Variants in KCTD21 observed in about 807,000 individuals in gnomAD.
The protein encoded by KCTD21 is BTB/POZ domain-containing protein KCTD21.
KCTD21 carries 9 observed loss-of-function variants against 13.2 expected under a neutral mutation model. The ratio of observed to expected loss-of-function variants is 0.68; its 90% CI spans 0.41 to 1.19. KCTD21 has a LOEUF of 1.19. Ranked by LOEUF, KCTD21 falls within the 50% of genes most tolerant of loss-of-function variation. The probability of loss-of-function intolerance (pLI) is 0.01; values close to 1 mark genes in which losing one functional copy is unlikely to be tolerated. For synonymous variants in KCTD21, 142 were observed against 137.4 expected (o/e 1.03, Z -0.23); for missense variants, 303 against 336.5 (o/e 0.90, Z 0.78).
Position 78,171,865 on chromosome 11 carries a change from CAG to C in KCTD21, c.*1905_*1906del, listed in dbSNP as rs1462284542. The C allele has an allele frequency of 2.6e-5, 4 of 152,344 alleles. No individual in the cohort carries two copies. Among genetic ancestry groups the C allele is most frequent in the African/African-American group, 9.6e-5 (4 of 41,474 alleles). The allele number at this position is 152,344 out of a possible 1,614,324, so 9.4% of individuals were successfully genotyped here. A position where few individuals can be genotyped will look rare whatever the true frequency, so the allele number is the denominator to read the frequency against. ...AAGTGATCTTCCCGCCTCGGCCTCC[CAG>C]AGTGTTGGGATTACAGGCATGAGCC... On this transcript the variant is annotated 3_prime_UTR_variant, in exon 2 of 2. Coordinates refer to ENST00000340067, the MANE Select transcript of KCTD21 (RefSeq NM_001029859.3).
chr11:78,175,189 G>C (rs1862413435), intron 1 of KCTD21: 1 of 152,136 alleles, frequency 6.6e-6, no homozygotes, highest in Non-Finnish European at 1.5e-5. Flanking sequence ...TGGGCATGGT[G>C]GTGGGTGCCT....
Position 78,174,044 on chromosome 11 carries a change from G to A in KCTD21, c.511C>T (p.Leu171Phe). The change falls in exon 2 of 2, where the codon CTC becomes TTC. Residue 171 changes from leucine to phenylalanine, a missense_variant. Transcript: ENST00000340067. ...TGCAAGTGGCTGGTGATGGAGGAGAGATTGCCATTGGAGCAGTAGAAGAGC... is the reference window on the plus strand; with the variant it reads ...TGCAAGTGGCTGGTGATGGAGGAGAAATTGCCATTGGAGCAGTAGAAGAGC... ...SKLFYCSNGN[L>F]SSITSHLQDP... 1 of 1,614,184 alleles carries A rather than the reference G, an allele frequency of 6.2e-7. No homozygotes were observed. Among genetic ancestry groups the A allele is most frequent in the Non-Finnish European group, 8.5e-7 (1 of 1,180,042 alleles).
chr11:78,186,774 C>T lies in KCTD21; in HGVS notation c.-30+1799G>A, dbSNP rs184484828. ...GACCTTGAAGACAAATCCCATGCAT[C>T]GGCCAGGTCTCTCAGCTGGAATTCA... On this transcript the variant is annotated intron_variant, in intron 1 of 1. Transcript: ENST00000340067. 1.8e-5 allele frequency: 18 copies of T among 985,466 alleles called. No individual in the cohort carries two copies. The Admixed American group carries it at 3.7e-4, about 20-fold the overall frequency. 61.0% of individuals were successfully genotyped at this position (985,466 alleles called of 1,614,324 possible).
At chr11:78,183,310 CG>C (rs1862682462) in intron 1 of KCTD21, among the ~76,000 whole-genome samples, 1 of 152,124 alleles carries the variant, frequency 6.6e-6, no homozygotes, top group African/African-American at 2.4e-5. Flanking sequence ...CCGAGGCGGG[CG>C]GATCACCTGA....
intron 1 of KCTD21, chr11:78,187,873 TAAG>T (rs1405279630): frequency 2.0e-6 from 2 of 985,276 alleles, no homozygotes; most frequent in African/African-American, 3.5e-5. Context: ...GTCTTTGAAG[TAAG>T]GAGTCCTGAG....
chr11:78,188,586 T>C lies in KCTD21; in HGVS notation c.-43A>G. On this transcript the variant is annotated 5_prime_UTR_variant, in exon 1 of 2. Coordinates refer to ENST00000340067, the MANE Select transcript of KCTD21 (RefSeq NM_001029859.3). The stretch of plus-strand genomic sequence containing the variant: ...TGCCGCACCCACCTCCTGCCCTCGC[T>C]CTGCAGCCTCTCCCTCCGCGAGCGG... 1.0e-6 allele frequency: 1 copy of C among 985,472 alleles called. No homozygotes were observed. Among genetic ancestry groups the C allele is most frequent in the South Asian group, 4.7e-5 (1 of 21,290 alleles). 61.0% of individuals were successfully genotyped at this position (985,472 alleles called of 1,614,324 possible). A position where few individuals can be genotyped will look rare whatever the true frequency, so the allele number is the denominator to read the frequency against.
chr11:78,187,568 C>G, intron 1 of KCTD21: 3 of 985,432 alleles, frequency 3.0e-6, no homozygotes, highest in Non-Finnish European at 2.4e-6. Context: ...TTCACCTTCT[C>G]GGCTCACTCT....
At chr11:78,181,148 C>T (rs934755389) in intron 1 of KCTD21, among the ~76,000 whole-genome samples, 6 of 152,132 alleles carry the variant, frequency 3.9e-5, no homozygotes, top group African/African-American at 1.4e-4. Flanking sequence ...ACAATTATCA[C>T]GTGACCCAAT....
In KCTD21 at chr11:78,173,955, G is replaced by A; in HGVS notation, c.600C>T (p.Tyr200=). The change falls in exon 2 of 2, where the codon TAC becomes TAT. Residue 200 remains tyrosine, a synonymous_variant. Transcript: ENST00000340067. ...AGAGCCTCTTGAGGTTCTGCTTGGT[G>A]TACTCCTCCTCTGGCAGGCCCTCCA... ...ANVEGLPEEE[Y]TKQNLKRLWV... is the part of the protein sequence containing the mutation. 3 of 1,614,088 alleles carry A rather than the reference G, an allele frequency of 1.9e-6. No individual in the cohort carries two copies. Among genetic ancestry groups the A allele is most frequent in the South Asian group, 1.1e-5 (1 of 91,066 alleles).
chr11:78,173,933 GC>G lies in KCTD21; in HGVS notation c.621del (p.Arg207SerfsTer22). ...EEEYTKQNLK[R>X]LWVVPANKQI... is the part of the protein sequence containing the mutation. ...TGCTTGTTGGCGGGCACCACCCAGA[GC>G]CTCTTGAGGTTCTGCTTGGTGTACT... On this transcript the variant is annotated frameshift_variant, in exon 2 of 2. Transcript: ENST00000340067. LOFTEE classifies it high-confidence loss of function. 1 of 1,614,168 alleles carries G rather than the reference GC, an allele frequency of 6.2e-7. No individual in the cohort carries two copies. Among genetic ancestry groups the G allele is most frequent in the Non-Finnish European group, 8.5e-7 (1 of 1,180,034 alleles).
At position 78,173,301 on chromosome 11, in the gene KCTD21, C is replaced by G. The variant is rs1403696533; in HGVS notation, c.*471G>C. On this transcript the variant is annotated 3_prime_UTR_variant, in exon 2 of 2. Coordinates refer to ENST00000340067, the MANE Select transcript of KCTD21 (RefSeq NM_001029859.3). ...CAAACATCCACGATCATGGATGCAC[C>G]CTGGGGAGGGAGGAGCAGGTGTGAC... 1 of 161,368 alleles carries G rather than the reference C, an allele frequency of 6.2e-6. No individual in the cohort carries two copies. Among genetic ancestry groups the G allele is most frequent in the Non-Finnish European group, 1.4e-5 (1 of 72,900 alleles). The allele number at this position is 161,368 out of a possible 1,614,324, so 10.0% of individuals were successfully genotyped here.
At position 78,173,897 on chromosome 11, in the gene KCTD21, A is replaced by C. The variant is rs1565380982; in HGVS notation, c.658T>G (p.Phe220Val). 1.1e-5 allele frequency: 18 copies of C among 1,614,156 alleles called. No homozygotes were observed. The highest frequency in any genetic ancestry group is 1.5e-5 in the Non-Finnish European group (18 of 1,180,032). The change falls in exon 2 of 2, where the codon TTC (phenylalanine) becomes GTC (valine). Residue 220 changes from phenylalanine (F) to valine (V), a missense_variant. Physicochemically the swap from Phe to Val is conservative, Grantham distance 50. Transcript: ENST00000340067. ...AGTACCTCTTCCACGAAGACCTGGA[A>C]GCTGTTGATCTGCTTGTTGGCGGGC... ...VVPANKQINSFQVFVEEVLKI... is the reference protein window; with the variant it reads ...VVPANKQINSVQVFVEEVLKI...
chr11:78,185,916 G>C (rs1193015542), intron 1 of KCTD21, among the ~76,000 whole-genome samples: 1 of 152,072 alleles, frequency 6.6e-6, no homozygotes, highest in African/African-American at 2.4e-5. Flanking sequence ...TCTGTGCTGT[G>C]ATTCTGCCTG....
rs1181506313 is a variant in KCTD21 at position 78,172,686 on chromosome 11, G to GC, written c.*1085dup. 1 of 152,256 alleles carries GC rather than the reference G, an allele frequency of 6.6e-6. No homozygotes were observed. Among genetic ancestry groups the GC allele is most frequent in the African/African-American group, 2.4e-5 (1 of 41,446 alleles). The allele number at this position is 152,256 out of a possible 1,614,324, so 9.4% of individuals were successfully genotyped here. ...TATAACTGGGTGAATGGGAAGGTCT[G>GC]CAACCAAGATCCAGCAAGTGGCAGG... is the stretch of plus-strand genomic sequence containing the variant. On this transcript the variant is annotated 3_prime_UTR_variant, in exon 2 of 2. Coordinates refer to ENST00000340067, the MANE Select transcript of KCTD21 (RefSeq NM_001029859.3).
intron 1 of KCTD21, among the ~76,000 whole-genome samples, chr11:78,182,302 C>A (rs1017630378): frequency 7.0e-6 from 1 of 141,896 alleles, no homozygotes; most frequent in Non-Finnish European, 1.5e-5. Context: ...AAAGCACCCC[C>A]CCCCCCTCAA....
In KCTD21 at chr11:78,188,619, A is replaced by T; in HGVS notation, c.-76T>A. ...CTCTCCCTCCGCGAGCGGCCAGCGC[A>T]GCTTTGCGAGGGGGGCGGAGGGTAG... On this transcript the variant is annotated 5_prime_UTR_variant, in exon 1 of 2. Coordinates refer to ENST00000340067, the MANE Select transcript of KCTD21 (RefSeq NM_001029859.3). The T allele has an allele frequency of 1.0e-6, 1 of 985,386 alleles. No homozygotes were observed. Among genetic ancestry groups the T allele is most frequent in the Non-Finnish European group, 1.2e-6 (1 of 829,950 alleles). 61.0% of individuals were successfully genotyped at this position (985,386 alleles called of 1,614,324 possible). A position where few individuals can be genotyped will look rare whatever the true frequency, so the allele number is the denominator to read the frequency against.
At chr11:78,188,244 C>T (rs1862865951) in intron 1 of KCTD21, 2 of 983,912 alleles carry the variant, frequency 2.0e-6, no homozygotes, top group Non-Finnish European at 2.4e-6. Context: ...AAGTGCCCCA[C>T]CCCCACCTAG....
In KCTD21 at chr11:78,173,229, T is replaced by G. The variant is rs1402296400; in HGVS notation, c.*543A>C. Reference sequence around the variant, plus strand: ...CCAAGAGGGGACACTAACAGAGCTCTGAGAATGCACAGCATTCCAAGCCAG... The same window carrying G: ...CCAAGAGGGGACACTAACAGAGCTCGGAGAATGCACAGCATTCCAAGCCAG... On this transcript the variant is annotated 3_prime_UTR_variant, in exon 2 of 2. Transcript: ENST00000340067. The G allele has an allele frequency of 6.4e-6, 1 of 155,358 alleles. No individual in the cohort carries two copies. The highest frequency in any genetic ancestry group is 2.4e-5 in the African/African-American group (1 of 41,438). The allele number at this position is 155,358 out of a possible 1,614,324, so 9.6% of individuals were successfully genotyped here. A position where few individuals can be genotyped will look rare whatever the true frequency, so the allele number is the denominator to read the frequency against.
At chr11:78,188,348 T>G in intron 1 of KCTD21, 1 of 985,092 alleles carries the variant, frequency 1.0e-6, no homozygotes, top group Non-Finnish European at 1.2e-6. Flanking sequence ...CATCCGCCCT[T>G]GCTCTCCCAA....
Sources: allele counts gnomAD v4.1 joint callset (sites outside exome capture counted in the v4.1 genomes callset), GRCh38; gene constraint gnomAD v4.1.1; transcripts MANE v1.5; gene names NCBI Gene and HGNC (gene_info 2026-07-23, HGNC 2026-07-21).